KLHL2: variants seen among roughly 807,000 people sequenced by gnomAD.
KLHL2 encodes kelch-like protein 2.
Under a neutral mutation model 75.8 loss-of-function variants are expected in KLHL2, and 15 were observed. The ratio of observed to expected loss-of-function variants is 0.20; its 90% CI spans 0.13 to 0.30. The LOEUF is 0.30. KLHL2 is among the 10% of genes least tolerant of loss of function. The probability of loss-of-function intolerance (pLI) is 1.00; values close to 1 mark genes in which losing one functional copy is unlikely to be tolerated. For synonymous variants in KLHL2, 214 were observed against 251.9 expected, an observed-to-expected ratio of 0.85 and a Z score of 1.42; for missense variants, 381 against 741.0, an observed-to-expected ratio of 0.51 and a Z score of 5.64.
At chr4:165,311,980 TG>T (rs1456285003) in intron 11 of KLHL2, among the ~76,000 whole-genome samples, 1 of 151,942 alleles carries the variant, frequency 6.6e-6, no homozygotes, top group Admixed American at 6.6e-5. Context: ...AGGGGTGGGT[TG>T]GGGGGATGGT....
chr4:165,256,827 C>T (rs1357305357), intron 4 of KLHL2, among the ~76,000 whole-genome samples: 1 of 152,162 alleles, frequency 6.6e-6, no homozygotes, highest in African/African-American at 2.4e-5. Flanking sequence ...GTATAGCCCT[C>T]TAATACTGTT....
chr4:165,251,476 A>G (rs1740692549), intron 4 of KLHL2, among the ~76,000 whole-genome samples: 1 of 152,176 alleles, frequency 6.6e-6, no homozygotes, highest in Non-Finnish European at 1.5e-5. Flanking sequence ...ATAAGAATAT[A>G]GAATAAAAAA....
Position 165,276,347 on chromosome 4 carries a change from C to A in KLHL2, c.544+12988C>A, listed in dbSNP as rs115676607. Among the ~76,000 whole-genome samples the A allele has an allele frequency of 6.4e-3, 977 of 152,274 alleles. 8 individuals carry two copies. The highest frequency in any genetic ancestry group is 0.022 in the African/African-American group (895 of 41,562). On this transcript the variant is annotated intron_variant, in intron 5 of 14. Coordinates refer to ENST00000226725, the MANE Select transcript of KLHL2 (RefSeq NM_007246.4). ...ACTTTTTTATATGCGCAAGTATTTT[C>A]ATGTGTGTCCCCTCTGTCTTTGTCA...
At chr4:165,239,508 G>A (rs1335388552) in intron 4 of KLHL2, among the ~76,000 whole-genome samples, 1 of 151,980 alleles carries the variant, frequency 6.6e-6, no homozygotes, top group Non-Finnish European at 1.5e-5. Flanking sequence ...CAAGTGATCC[G>A]CCCTCTTCAG....
At chr4:165,316,955 A>G (rs1319724399) in intron 13 of KLHL2, among the ~76,000 whole-genome samples, 1 of 152,154 alleles carries the variant, frequency 6.6e-6, no homozygotes, top group Non-Finnish European at 1.5e-5. Flanking sequence ...GCCAGAGTAG[A>G]GATCAAAATT....
At chr4:165,313,593 A>G (rs892188048) in intron 12 of KLHL2, among the ~76,000 whole-genome samples, 5 of 152,148 alleles carry the variant, frequency 3.3e-5, no homozygotes, top group Non-Finnish European at 7.4e-5. Flanking sequence ...TTTCATTTAT[A>G]TATTCAAGTT....
chr4:165,287,503 A>G (rs960074796), intron 5 of KLHL2, among the ~76,000 whole-genome samples: 3 of 152,336 alleles, frequency 2.0e-5, no homozygotes, highest in Admixed American at 2.0e-4. Context: ...TCTTCTGGAT[A>G]TATACACAGA....
intron 4 of KLHL2, among the ~76,000 whole-genome samples, chr4:165,255,545 C>T (rs1741094695): frequency 6.6e-6 from 1 of 152,006 alleles, no homozygotes; most frequent in Admixed American, 6.6e-5. Context: ...GGGGGCTGGC[C>T]CGGTGCAGAG....
intron 8 of KLHL2, among the ~76,000 whole-genome samples, chr4:165,300,585 A>G (rs891897024): frequency 6.6e-6 from 1 of 152,120 alleles, no homozygotes; most frequent in Non-Finnish European, 1.5e-5. Flanking sequence ...TTCATATTTT[A>G]CCAATTCAAT....
At chr4:165,283,662 G>A (rs1188143472) in intron 5 of KLHL2, among the ~76,000 whole-genome samples, 1 of 152,186 alleles carries the variant, frequency 6.6e-6, no homozygotes, top group Non-Finnish European at 1.5e-5. Flanking sequence ...CAGGCTATCA[G>A]TGATACCATT....
At position 165,229,775 on chromosome 4, in the gene KLHL2, C is replaced by T. The variant is rs3892848; in HGVS notation, c.259+862C>T. On this transcript the variant is annotated intron_variant, in intron 3 of 14. Transcript: ENST00000226725. ...GCTCACAGCAGTGGTCAGACGTTGA[C>T]GGCTGTGATGGGCAGCACTGAGAGA... 5.4e-5 allele frequency among the ~76,000 whole-genome samples: 7 copies of T among 128,876 alleles called. No homozygotes were observed. The South Asian group carries it at 7.1e-4, about 13-fold the overall frequency. 84.5% of individuals were successfully genotyped at this position (128,876 alleles called of 152,430 possible).
intron 5 of KLHL2, among the ~76,000 whole-genome samples, chr4:165,287,356 A>ATATATAGTGTATG (rs1465629564): frequency 1.3e-5 from 2 of 152,104 alleles, no homozygotes. Flanking sequence ...AATTGTATGT[A>ATATATAGTGTATG]TATATAGTGT....
intron 1 of KLHL2, among the ~76,000 whole-genome samples, chr4:165,217,660 G>A (rs922013513): frequency 2.0e-5 from 3 of 152,202 alleles, no homozygotes; most frequent in African/African-American, 7.2e-5. Context: ...GCTTCAACTA[G>A]TGCTGATTCT....
intron 1 of KLHL2, among the ~76,000 whole-genome samples, chr4:165,216,735 G>C (rs1047878716): frequency 2.0e-5 from 3 of 152,154 alleles, no homozygotes; most frequent in African/African-American, 7.2e-5. Context: ...GCCACACAGG[G>C]AATGGAAATT....
At chr4:165,268,607 A>G (rs1579081682) in intron 5 of KLHL2, among the ~76,000 whole-genome samples, 1 of 152,270 alleles carries the variant, frequency 6.6e-6, no homozygotes, top group South Asian at 2.1e-4. Flanking sequence ...TTCAGTTTCC[A>G]TGTAGCTGTG....
At chr4:165,231,647 T>G (rs988110763) in intron 3 of KLHL2, among the ~76,000 whole-genome samples, 4 of 152,220 alleles carry the variant, frequency 2.6e-5, no homozygotes, top group Admixed American at 6.5e-5. Flanking sequence ...CTTTTGACTT[T>G]CCATTTACCA....
At chr4:165,262,462 C>T (rs1429727345) in intron 4 of KLHL2, among the ~76,000 whole-genome samples, 2 of 152,178 alleles carry the variant, frequency 1.3e-5, no homozygotes, top group African/African-American at 4.8e-5. Flanking sequence ...ACTCTGGGGC[C>T]ACTCCTTCCC....
intron 9 of KLHL2, among the ~76,000 whole-genome samples, chr4:165,308,922 A>T (rs1169390226): frequency 1.3e-5 from 2 of 152,166 alleles, no homozygotes; most frequent in African/African-American, 2.4e-5. Flanking sequence ...TCTTGTTGCC[A>T]TATGGAGGAC....
chr4:165,265,092 G>A (rs1284682047), intron 5 of KLHL2, among the ~76,000 whole-genome samples: 6 of 151,826 alleles, frequency 4.0e-5, no homozygotes, highest in African/African-American at 7.3e-5. Flanking sequence ...GTGGTATCTC[G>A]CTGAGGTTTT....
Sources: gnomAD v4.1 joint callset for allele counts (sites outside exome capture counted in the v4.1 genomes callset) on GRCh38, gnomAD v4.1.1 for gene constraint, MANE v1.5 for transcripts, NCBI Gene and HGNC (gene_info 2026-07-23, HGNC 2026-07-21) for gene names.